Variants in RTL4 observed in about 807,000 individuals in gnomAD.
The protein encoded by RTL4 is retrotransposon Gag-like protein 4.
RTL4 carries 4 observed loss-of-function variants against 5.3 expected under a neutral mutation model. The ratio of observed to expected loss-of-function variants is 0.75; its 90% CI spans 0.37 to 1.72. The LOEUF is 1.72. RTL4 is among the 40% of genes most tolerant of loss of function. The pLI is 0.04. For synonymous variants in RTL4, 98 were observed against 87.3 expected (o/e 1.12, Z -0.68); for missense variants, 260 against 227.1 (o/e 1.14, Z -0.93).
chrX:112,130,057 A>G, the RTL4 span, among the ~76,000 whole-genome samples: 1 of 111,214 alleles, frequency 9.0e-6, no homozygotes, highest in Non-Finnish European at 1.9e-5. Flanking sequence ...TAAGATGCCA[A>G]TTATTTCCAC....
chrX:112,382,368 T>A, the RTL4 span: 1 of 409,995 alleles, frequency 2.4e-6, no homozygotes, highest in Admixed American at 3.9e-5. Context: ...TAGATGGTTT[T>A]ATCCAACAGT....
the RTL4 span, among the ~76,000 whole-genome samples, chrX:112,191,322 C>T: frequency 2.7e-5 from 3 of 111,537 alleles, no homozygotes; most frequent in South Asian, 3.8e-4. Flanking sequence ...ACGGACAGAA[C>T]AACAAACTTG....
chrX:112,435,941 G>T, the RTL4 span, among the ~76,000 whole-genome samples: 2 of 111,880 alleles, frequency 1.8e-5, no homozygotes, highest in Non-Finnish European at 1.9e-5. Flanking sequence ...ACTAGGCCCA[G>T]CGCGGTAGCT....
At chrX:112,279,800 T>G in the RTL4 span, among the ~76,000 whole-genome samples, 1 of 111,678 alleles carries the variant, frequency 9.0e-6, no homozygotes, top group African/African-American at 3.3e-5. Flanking sequence ...CAATAATTGA[T>G]GCATACTATC....
the RTL4 span, among the ~76,000 whole-genome samples, chrX:112,299,297 A>G: frequency 1.8e-5 from 2 of 112,312 alleles, 1 homozygote; most frequent in African/African-American, 6.5e-5. Flanking sequence ...AAACATTGTT[A>G]TCTTCCATTT....
the RTL4 span, among the ~76,000 whole-genome samples, chrX:112,434,365 G>T: frequency 9.0e-6 from 1 of 110,618 alleles, no homozygotes; most frequent in Non-Finnish European, 1.9e-5. Context: ...TCTGGTCCTG[G>T]ACTCATTTTG....
At chrX:112,184,376 G>A in the RTL4 span, among the ~76,000 whole-genome samples, 1 of 111,704 alleles carries the variant, frequency 9.0e-6, no homozygotes, top group Non-Finnish European at 1.9e-5. Context: ...TTAAAAAAAG[G>A]AAAAGAATTG....
the RTL4 span, among the ~76,000 whole-genome samples, chrX:112,206,430 T>C: frequency 9.0e-6 from 1 of 111,552 alleles, no homozygotes. Flanking sequence ...GTATTTATCT[T>C]ACTCTATCTG....
At chrX:112,443,748 T>C in the RTL4 span, among the ~76,000 whole-genome samples, 25,008 of 111,534 alleles carry the variant, frequency 0.22, 2,163 homozygotes, top group Middle Eastern at 0.28. Context: ...TTAAGAGACA[T>C]CTATTCGAAT....
chrX:112,405,678 A>G, the RTL4 span, among the ~76,000 whole-genome samples: 1 of 111,266 alleles, frequency 9.0e-6, no homozygotes, highest in Admixed American at 9.6e-5. Context: ...AGATAGTGGA[A>G]GAGAAGACTC....
the RTL4 span, among the ~76,000 whole-genome samples, chrX:112,433,867 G>A: frequency 1.1e-4 from 8 of 76,102 alleles, no homozygotes; most frequent in Non-Finnish European, 5.0e-5. Flanking sequence ...TTGGCTGTGG[G>A]TTTGTCATAG....
At chrX:112,174,531 A>G in the RTL4 span, among the ~76,000 whole-genome samples, 2 of 106,446 alleles carry the variant, frequency 1.9e-5, no homozygotes, top group Non-Finnish European at 3.9e-5. Flanking sequence ...GAATAGTGCC[A>G]CAATAAGCAT....
chrX:112,171,857 CAT>C, the RTL4 span, among the ~76,000 whole-genome samples: 159 of 112,243 alleles, frequency 1.4e-3, no homozygotes, highest in East Asian at 0.041. Context: ...AAAATTGACA[CAT>C]GTGATCTAAT....
the RTL4 span, among the ~76,000 whole-genome samples, chrX:112,247,012 T>G: frequency 8.9e-6 from 1 of 111,913 alleles, no homozygotes; most frequent in African/African-American, 3.2e-5. Context: ...CAAAAGCAAC[T>G]ACTCAAAAAA....
At chrX:112,240,132 A>G in the RTL4 span, among the ~76,000 whole-genome samples, 4 of 112,147 alleles carry the variant, frequency 3.6e-5, no homozygotes, top group African/African-American at 1.3e-4. Context: ...AACCAAAGGG[A>G]TATTATAGAA....
the RTL4 span, among the ~76,000 whole-genome samples, chrX:112,201,755 T>C: frequency 1.8e-5 from 2 of 111,718 alleles, no homozygotes; most frequent in Non-Finnish European, 3.8e-5. Flanking sequence ...TTTTTAAATA[T>C]GCATTGATTT....
the RTL4 span, among the ~76,000 whole-genome samples, chrX:112,122,567 T>C: frequency 0.16 from 17,607 of 110,000 alleles, 2,165 homozygotes; most frequent in African/African-American, 0.42. Flanking sequence ...TAAAAAATAC[T>C]TGTACATTTT....
the RTL4 span, among the ~76,000 whole-genome samples, chrX:112,260,601 C>A: frequency 1.8e-5 from 2 of 111,799 alleles, no homozygotes; most frequent in East Asian, 5.6e-4. Flanking sequence ...GTCAAATTAA[C>A]AAAATCACCA....
At chrX:112,181,146 G>A in the RTL4 span, among the ~76,000 whole-genome samples, 1 of 111,878 alleles carries the variant, frequency 8.9e-6, no homozygotes, top group East Asian at 2.8e-4. Flanking sequence ...GTGCCTTCCT[G>A]CCCAGATACT....
Sources: gnomAD v4.1 joint callset for allele counts (sites outside exome capture counted in the v4.1 genomes callset) on GRCh38, gnomAD v4.1.1 for gene constraint, MANE v1.5 for transcripts, NCBI Gene and HGNC (gene_info 2026-07-23, HGNC 2026-07-21) for gene names.